HSD17B12: variants seen among roughly 807,000 people sequenced by gnomAD.
HSD17B12 encodes hydroxysteroid 17-beta dehydrogenase 12.
HSD17B12 carries 32 observed loss-of-function variants against 39.3 expected under a neutral mutation model. The observed-to-expected ratio is 0.81, with a 90% CI of 0.61 to 1.09. The LOEUF (loss-of-function observed/expected upper bound fraction) is 1.09, where lower values mean the gene tolerates loss of function less well. Ranked by LOEUF, HSD17B12 falls within the 50% of genes least tolerant of loss-of-function variation. The pLI is 0.00. For missense variants in HSD17B12, 342 were observed against 382.9 expected, an observed-to-expected ratio of 0.89 and a Z score of 0.89; for synonymous variants, 150 against 146.7, an observed-to-expected ratio of 1.02 and a Z score of -0.16.
chr11:43,757,687 CA>C (rs1233119331), intron 3 of HSD17B12, among the ~76,000 whole-genome samples: 9 of 89,516 alleles, frequency 1.0e-4, no homozygotes, highest in Admixed American at 1.0e-3. Context: ...AAAAAACAAA[CA>C]AATAAACCAA....
chr11:43,754,987 T>C, intron 3 of HSD17B12: 2 of 657,094 alleles, frequency 3.0e-6, no homozygotes, highest in South Asian at 1.8e-5. Flanking sequence ...ACATACTAAC[T>C]GATGTCCCCA....
At chr11:43,600,248 C>T in the HSD17B12 span, among the ~76,000 whole-genome samples, 1 of 151,874 alleles carries the variant, frequency 6.6e-6, no homozygotes, top group African/African-American at 2.4e-5. Context: ...TATTCTTTTA[C>T]CACATCTTCT....
rs141554371 is a variant in HSD17B12 at position 43,696,009 on chromosome 11, C to T, written c.160+15022C>T. On this transcript the variant is annotated intron_variant, in intron 1 of 10. Transcript: ENST00000278353. The stretch of plus-strand genomic sequence containing the variant: ...CTCCCTCCTCCCACCTTCCACCCTC[C>T]GAAAGGCCCATGTGTATGTTGTTTC... Among the ~76,000 whole-genome samples, 951 of 152,226 alleles carry T rather than the reference C, an allele frequency of 6.2e-3. 8 individuals carry two copies. The highest frequency in any genetic ancestry group is 0.011 in the Admixed American group (171 of 15,286).
At chr11:43,685,711 A>C (rs1949791767) in intron 1 of HSD17B12, among the ~76,000 whole-genome samples, 1 of 152,194 alleles carries the variant, frequency 6.6e-6, no homozygotes. Flanking sequence ...ACATTCGTAC[A>C]CTGTATGTTG....
intron 1 of HSD17B12, among the ~76,000 whole-genome samples, chr11:43,732,761 G>C (rs1022817751): frequency 1.3e-5 from 2 of 152,174 alleles, no homozygotes; most frequent in African/African-American, 4.8e-5. Flanking sequence ...ACTGTGCCCA[G>C]TTGAAGTTCA....
At chr11:43,686,595 G>GTTTTTTTTTTTTTTTTTTTTTTTT (rs368909117) in intron 1 of HSD17B12, among the ~76,000 whole-genome samples, 1 of 132,024 alleles carries the variant, frequency 7.6e-6, no homozygotes. Flanking sequence ...CTCCCACCCT[G>GTTTTTTTTTTTTTTTTTTTTTTTT]TTTTTTTTTT....
chr11:43,723,346 G>C lies in HSD17B12; in HGVS notation c.161-27565G>C, dbSNP rs182782560. ...TTTGGATGCAAAATGAGATAATAGC[G>C]TTTTCACCCCTTTTCAAGAGCCATT... is the stretch of plus-strand genomic sequence containing the variant. On this transcript the variant is annotated intron_variant, in intron 1 of 10. Transcript: ENST00000278353. 2.2e-4 allele frequency among the ~76,000 whole-genome samples: 34 copies of C among 152,216 alleles called. 2 individuals are homozygous for C. The East Asian group carries it at 5.2e-3, about 23-fold the overall frequency.
intron 3 of HSD17B12, among the ~76,000 whole-genome samples, chr11:43,797,124 T>TAAGAATCAGATCTCTCATGAACC (rs1327135788): frequency 6.6e-6 from 1 of 152,220 alleles, no homozygotes; most frequent in African/African-American, 2.4e-5. Context: ...TAAGTCTAAC[T>TAAGAATCAGATCTCTCATGAACC]AAGAATCAGA....
chr11:43,688,811 T>G (rs1228418905), intron 1 of HSD17B12, among the ~76,000 whole-genome samples: 1 of 152,192 alleles, frequency 6.6e-6, no homozygotes, highest in African/African-American at 2.4e-5. Context: ...TGAGCATAAC[T>G]TCTTTCATTT....
the HSD17B12 span, among the ~76,000 whole-genome samples, chr11:43,566,488 A>G: frequency 6.6e-6 from 1 of 152,088 alleles, no homozygotes; most frequent in Non-Finnish European, 1.5e-5. Flanking sequence ...ATTTCCCGTC[A>G]TCTCTTGGGG....
intron 1 of HSD17B12, among the ~76,000 whole-genome samples, chr11:43,715,175 G>C (rs1367781188): frequency 6.6e-6 from 1 of 152,066 alleles, no homozygotes; most frequent in African/African-American, 2.4e-5. Context: ...AATAGGAGTG[G>C]TGAGAGAGGG....
At chr11:43,817,019 T>TAG (rs1951133878) in intron 6 of HSD17B12, among the ~76,000 whole-genome samples, 3 of 24,702 alleles carry the variant, frequency 1.2e-4, no homozygotes, top group African/African-American at 3.5e-4. Flanking sequence ...TCTATATCTA[T>TAG]ATCTATATCT....
At chr11:43,761,723 G>A (rs1284156223) in intron 3 of HSD17B12, among the ~76,000 whole-genome samples, 1 of 152,232 alleles carries the variant, frequency 6.6e-6, no homozygotes, top group Non-Finnish European at 1.5e-5. Flanking sequence ...ACACCTACAT[G>A]TAGCCTCTCT....
the HSD17B12 span, among the ~76,000 whole-genome samples, chr11:43,576,424 C>T: frequency 6.6e-6 from 1 of 151,982 alleles, no homozygotes; most frequent in Non-Finnish European, 1.5e-5. Context: ...AGAAATAAAC[C>T]GAGGGCTGTA....
At chr11:43,780,103 G>A (rs991286125) in intron 3 of HSD17B12, among the ~76,000 whole-genome samples, 8 of 152,150 alleles carry the variant, frequency 5.3e-5, no homozygotes, top group Non-Finnish European at 1.2e-4. Context: ...TCCACTCCCT[G>A]TTGCTGCATA....
chr11:43,556,939 A>G, the HSD17B12 span: 1 of 151,780 alleles, frequency 6.6e-6, no homozygotes, highest in Admixed American at 6.6e-5. Context: ...ACATTTGCAC[A>G]AAAAGTGAAG....
chr11:43,634,106 A>G, the HSD17B12 span, among the ~76,000 whole-genome samples: 11 of 136,812 alleles, frequency 8.0e-5, no homozygotes, highest in African/African-American at 2.4e-4. Flanking sequence ...AAAAAAAAAA[A>G]AAAGAAAGAC....
chr11:43,825,573 G>A (rs1310000657), intron 6 of HSD17B12, among the ~76,000 whole-genome samples: 2 of 152,160 alleles, frequency 1.3e-5, no homozygotes, highest in Non-Finnish European at 2.9e-5. Context: ...ATAAATTATG[G>A]GAAGGAGAGT....
chr11:43,791,405 G>A (rs1432240723), intron 3 of HSD17B12, among the ~76,000 whole-genome samples: 1 of 151,978 alleles, frequency 6.6e-6, no homozygotes, highest in Non-Finnish European at 1.5e-5. Flanking sequence ...GGTGGTGGGT[G>A]CCTGTAATCC....
Sources: allele counts gnomAD v4.1 joint callset (sites outside exome capture counted in the v4.1 genomes callset), GRCh38; gene constraint gnomAD v4.1.1; transcripts MANE v1.5; gene names NCBI Gene and HGNC (gene_info 2026-07-23, HGNC 2026-07-21).